Variants in SLCO3A1 observed in about 807,000 individuals in gnomAD.
SLCO3A1 encodes the protein solute carrier organic anion transporter family member 3A1, also known as PGE1 transporter.
Under a neutral mutation model 63.1 loss-of-function variants are expected in SLCO3A1, and 27 were observed. That is an observed-to-expected ratio of 0.43 (90% CI 0.32 to 0.59). SLCO3A1 has a LOEUF of 0.59. Among genes scored for constraint, SLCO3A1 ranks in the 20% least tolerant of loss-of-function variants. The pLI is 0.09. For synonymous variants in SLCO3A1, 473 were observed against 409.9 expected (o/e 1.15, Z -1.86); for missense variants, 773 against 945.8 (o/e 0.82, Z 2.40).
At chr15:92,153,782 G>T (rs1348302719) in intron 9 of SLCO3A1, among the ~76,000 whole-genome samples, 1 of 152,144 alleles carries the variant, frequency 6.6e-6, no homozygotes, top group Non-Finnish European at 1.5e-5. Context: ...CAGGGAGAAG[G>T]ACTTACGGGG....
downstream of SLCO3A1, among the ~76,000 whole-genome samples, chr15:92,166,300 G>A (rs116324895): frequency 2.6e-3 from 396 of 152,238 alleles, 3 homozygotes; most frequent in African/African-American, 9.0e-3. Flanking sequence ...TCCCCCCGAG[G>A]AGCTTGCTAG....
At chr15:92,016,949 C>G (rs1396802758) in intron 2 of SLCO3A1, among the ~76,000 whole-genome samples, 3 of 152,134 alleles carry the variant, frequency 2.0e-5, no homozygotes, top group Non-Finnish European at 2.9e-5. Flanking sequence ...TAGTGTGGAT[C>G]TCTCTAGAAG....
exon 11 of SLCO3A1, chr15:92,171,886 T>C (rs2048523535): frequency 6.5e-7 from 1 of 1,528,214 alleles, no homozygotes; most frequent in South Asian, 1.2e-5. Flanking sequence ...TTCCTCTTCC[T>C]GGAGAGAACA....
chr15:92,024,382 C>T (rs1007845022), intron 2 of SLCO3A1, among the ~76,000 whole-genome samples: 1 of 152,198 alleles, frequency 6.6e-6, no homozygotes, highest in African/African-American at 2.4e-5. Context: ...GAAAATGAGC[C>T]TTGGGTCCAG....
At position 92,163,144 on chromosome 15, in the gene SLCO3A1, G is replaced by A. The variant is rs1176451069; in HGVS notation, c.*9G>A. ...TGGAGTCCGTTTTATAGTGACTAAA[G>A]GAGGGCTGAACTCTGTATTAGTAAT... On this transcript the variant is annotated 3_prime_UTR_variant, in exon 10 of 10. Coordinates refer to ENST00000318445, the MANE Select transcript of SLCO3A1 (RefSeq NM_013272.4). The A allele has an allele frequency of 1.9e-5, 29 of 1,505,782 alleles. No homozygotes were observed. Among genetic ancestry groups the A allele is most frequent in the Non-Finnish European group, 2.5e-5 (28 of 1,129,854 alleles). The allele number at this position is 1,505,782 out of a possible 1,614,324, so 93.3% of individuals were successfully genotyped here.
At chr15:92,020,325 A>T (rs2046493482) in intron 2 of SLCO3A1, among the ~76,000 whole-genome samples, 1 of 152,180 alleles carries the variant, frequency 6.6e-6, no homozygotes, top group South Asian at 2.1e-4. Context: ...ATTTTTGTAA[A>T]GTCCCGAAGC....
At chr15:92,028,565 G>C (rs1376288972) in intron 2 of SLCO3A1, among the ~76,000 whole-genome samples, 1 of 152,168 alleles carries the variant, frequency 6.6e-6, no homozygotes, top group South Asian at 2.1e-4. Flanking sequence ...CCAGCCCTCA[G>C]ATCTGAGAGA....
intron 8 of SLCO3A1, 51 bp from the exon 9 acceptor site, chr15:92,150,899 G>T (rs767721279): frequency 5.9e-6 from 8 of 1,364,634 alleles, no homozygotes; most frequent in African/African-American, 1.5e-5. Context: ...TTAATTACAG[G>T]GGAATGATAA....
At chr15:91,893,316 T>C (rs998553924) in intron 1 of SLCO3A1, among the ~76,000 whole-genome samples, 4 of 152,206 alleles carry the variant, frequency 2.6e-5, no homozygotes, top group African/African-American at 4.8e-5. Context: ...TGTGTCATAG[T>C]TGGTTTGGAC....
chr15:91,909,800 G>A (rs1270922783), intron 1 of SLCO3A1, among the ~76,000 whole-genome samples: 1 of 152,214 alleles, frequency 6.6e-6, no homozygotes, highest in African/African-American at 2.4e-5. Context: ...TTTGTTCCAT[G>A]CCTCCAATCA....
chr15:91,982,778 CA>C (rs1484223247), intron 2 of SLCO3A1, among the ~76,000 whole-genome samples: 2 of 152,378 alleles, frequency 1.3e-5, no homozygotes, highest in Non-Finnish European at 2.9e-5. Flanking sequence ...ACCAGCCCTA[CA>C]GGAGGTGTTT....
chr15:91,880,090 T>C (rs944646962), intron 1 of SLCO3A1, among the ~76,000 whole-genome samples: 2 of 149,064 alleles, frequency 1.3e-5, no homozygotes, highest in African/African-American at 4.9e-5. Context: ...TCAACCTGCT[T>C]GTATGTGTGT....
In SLCO3A1 at chr15:91,859,748, T is replaced by C. The variant is rs1378794287; in HGVS notation, c.180+5660T>C. 6.6e-6 allele frequency among the ~76,000 whole-genome samples: 1 copy of C among 152,216 alleles called. No homozygotes were observed. Among genetic ancestry groups the C allele is most frequent in the Non-Finnish European group, 1.5e-5 (1 of 68,042 alleles). On this transcript the variant is annotated intron_variant, in intron 1 of 9. Transcript: ENST00000318445. This position sits in a 1 kb window ranked among gnomAD's most constrained non-coding sequence, Gnocchi z 5.1. The stretch of plus-strand genomic sequence containing the variant: ...AGTACATGTAAAGCACCTTGAACAA[T>C]ATCTGGCACATAGTGAGTGCCCAGG...
chr15:91,866,300 A>G (rs1418388258), intron 1 of SLCO3A1, among the ~76,000 whole-genome samples: 3 of 152,206 alleles, frequency 2.0e-5, no homozygotes, highest in South Asian at 2.1e-4. Context: ...GTACTCATCC[A>G]TGTTCCCATC....
chr15:91,940,348 A>G (rs997903287), intron 2 of SLCO3A1, among the ~76,000 whole-genome samples: 4 of 152,060 alleles, frequency 2.6e-5, no homozygotes, highest in Non-Finnish European at 4.4e-5. Flanking sequence ...CTTGCTGAGC[A>G]CTTCACAGCC....
chr15:91,901,999 G>C (rs1235120077), intron 1 of SLCO3A1, among the ~76,000 whole-genome samples: 1 of 151,038 alleles, frequency 6.6e-6, no homozygotes, highest in Non-Finnish European at 1.5e-5. Context: ...CTGAGGCTCT[G>C]TTCATTTTTC....
chr15:92,104,468 C>T lies in SLCO3A1; in HGVS notation c.935C>T (p.Pro312Leu). 1 of 1,614,134 alleles carries T rather than the reference C, an allele frequency of 6.2e-7. No homozygotes were observed. Among genetic ancestry groups the T allele is most frequent in the South Asian group, 1.1e-5 (1 of 91,076 alleles). ...CTCTCCGAAAGAGAATACGAGAGACCCAAGCCCAGCAACGGGGTCCTGAGG... is the reference window on the plus strand; with the variant it reads ...CTCTCCGAAAGAGAATACGAGAGACTCAAGCCCAGCAACGGGGTCCTGAGG... ...AMLSEREYERPKPSNGVLRHP... is the reference protein window; with the variant it reads ...AMLSEREYERLKPSNGVLRHP... The change falls in exon 4 of 10, where the codon CCC becomes CTC. Residue 312 changes from proline (P) to leucine (L), a missense_variant. By Grantham distance (98) the Pro-to-Leu change is moderately conservative. Coordinates refer to ENST00000318445, the MANE Select transcript of SLCO3A1 (RefSeq NM_013272.4).
At chr15:92,096,402 C>G (rs941527966) in intron 3 of SLCO3A1, among the ~76,000 whole-genome samples, 20 of 152,240 alleles carry the variant, frequency 1.3e-4, no homozygotes, top group African/African-American at 3.6e-4. Context: ...GGGATTATTA[C>G]ACAAGGACCA....
At chr15:92,001,778 G>A (rs934218784) in intron 2 of SLCO3A1, among the ~76,000 whole-genome samples, 5 of 151,116 alleles carry the variant, frequency 3.3e-5, no homozygotes, top group Admixed American at 6.6e-5. Context: ...GCACTTTGCC[G>A]GGCATTTTAG....
Sources: allele counts gnomAD v4.1 joint callset (sites outside exome capture counted in the v4.1 genomes callset), GRCh38; gene constraint gnomAD v4.1.1; non-coding constraint Gnocchi (gnomAD v3.1); transcripts MANE v1.5; gene names NCBI Gene and HGNC (gene_info 2026-07-23, HGNC 2026-07-21).